The following FRMD3 variants were observed in gnomAD, a reference collection of about 807,000 sequenced individuals.
The protein encoded by FRMD3 is FERM domain-containing protein 3.
FRMD3 carries 33 observed loss-of-function variants against 70.2 expected under a neutral mutation model. The observed-to-expected ratio is 0.47, with a 90% confidence interval of 0.36 to 0.63. The LOEUF is 0.63. FRMD3 is among the 20% of genes least tolerant of loss of function. The pLI is 0.00. For missense variants in FRMD3, 632 were observed against 711.4 expected, an observed-to-expected ratio of 0.89 and a Z score of 1.27; for synonymous variants, 279 against 255.9, an observed-to-expected ratio of 1.09 and a Z score of -0.86.
At chr9:83,289,002 C>T (rs571707503) in intron 13 of FRMD3, among the ~76,000 whole-genome samples, 2 of 152,302 alleles carry the variant, frequency 1.3e-5, no homozygotes, top group South Asian at 4.1e-4. Context: ...AAGGTACAGT[C>T]ACAATTCCAG....
chr9:83,372,301 G>A (rs1296581917), intron 3 of FRMD3, among the ~76,000 whole-genome samples: 2 of 151,648 alleles, frequency 1.3e-5, no homozygotes, highest in African/African-American at 4.9e-5. Flanking sequence ...ATGACCAGGG[G>A]GTGCTAGAGA....
chr9:83,370,361 C>A (rs1007239969), intron 3 of FRMD3, among the ~76,000 whole-genome samples: 1 of 152,160 alleles, frequency 6.6e-6, no homozygotes. Flanking sequence ...TGAAAGACAT[C>A]ATCAACAACA....
intron 1 of FRMD3, among the ~76,000 whole-genome samples, chr9:83,445,409 C>A (rs1827431809): frequency 6.6e-6 from 1 of 151,730 alleles, no homozygotes; most frequent in Admixed American, 6.6e-5. Flanking sequence ...TGCTGGCTGA[C>A]AGCAGCCACA....
At chr9:83,252,083 C>G (rs1390764566) in intron 13 of FRMD3, among the ~76,000 whole-genome samples, 1 of 152,080 alleles carries the variant, frequency 6.6e-6, no homozygotes, top group Non-Finnish European at 1.5e-5. Flanking sequence ...TCAGATTCTC[C>G]AAGTTCGAAA....
rs926624588 is a variant in FRMD3 at position 83,537,766 on chromosome 9, C to T, written c.147+319G>A. Among the ~76,000 whole-genome samples, 3 of 152,200 alleles carry T rather than the reference C, an allele frequency of 2.0e-5. No homozygotes were observed. The highest frequency in any genetic ancestry group is 4.4e-5 in the Non-Finnish European group (3 of 68,032). ...GCTCCCATCTCCTGGCGGAGTAGGG[C>T]CCAGAGGGGCCAGAGTCCCTCCGGA... is the stretch of plus-strand genomic sequence containing the variant. On this transcript the variant is annotated intron_variant, in intron 1 of 13. Coordinates refer to ENST00000304195, the MANE Select transcript of FRMD3 (RefSeq NM_174938.6). The surrounding 1 kb of genome is among the most constrained non-coding windows in gnomAD (Gnocchi z 4.1).
chr9:83,459,861 G>A (rs187506654), intron 1 of FRMD3, among the ~76,000 whole-genome samples: 261 of 152,338 alleles, frequency 1.7e-3, no homozygotes, highest in African/African-American at 5.9e-3. Context: ...AGTAGGATGG[G>A]GGCCTGGCCA....
the FRMD3 span, among the ~76,000 whole-genome samples, chr9:83,572,889 T>G: frequency 6.6e-6 from 1 of 152,218 alleles, no homozygotes; most frequent in Non-Finnish European, 1.5e-5. Context: ...CTTTCTACAT[T>G]TATCTTTTCC....
At chr9:83,571,277 C>T in the FRMD3 span, among the ~76,000 whole-genome samples, 1 of 152,184 alleles carries the variant, frequency 6.6e-6, no homozygotes. Flanking sequence ...TGAGTAGAAG[C>T]AACAAGAGGC....
chr9:83,391,497 A>G (rs906813826), intron 1 of FRMD3, among the ~76,000 whole-genome samples: 4 of 152,206 alleles, frequency 2.6e-5, no homozygotes, highest in African/African-American at 7.2e-5. Context: ...TCCCTACCAT[A>G]TTCCAGATAT....
chr9:83,294,092 A>G (rs1181160966), intron 12 of FRMD3, among the ~76,000 whole-genome samples: 1 of 152,188 alleles, frequency 6.6e-6, no homozygotes, highest in Non-Finnish European at 1.5e-5. Flanking sequence ...CTAAACTCCA[A>G]TGTAATGGTA....
the FRMD3 span, among the ~76,000 whole-genome samples, chr9:83,564,691 C>T: frequency 1.1e-4 from 16 of 152,170 alleles, no homozygotes; most frequent in Non-Finnish European, 2.1e-4. Flanking sequence ...GCCCACATGT[C>T]CATTGTCCAT....
chr9:83,420,715 ATGAG>A (rs1440745942), intron 1 of FRMD3, among the ~76,000 whole-genome samples: 1 of 152,160 alleles, frequency 6.6e-6, no homozygotes, highest in Admixed American at 6.5e-5. Flanking sequence ...GTAAACAATA[ATGAG>A]TGAGTTCTTG....
chr9:83,555,276 C>T, the FRMD3 span, among the ~76,000 whole-genome samples: 1 of 151,482 alleles, frequency 6.6e-6, no homozygotes, highest in South Asian at 2.1e-4. Context: ...GAGTGCTGTC[C>T]CAGGGGGAAT....
rs1832016671 is a variant in FRMD3 at position 83,244,894 on chromosome 9, T to A, written c.*3024A>T. ...AAGCACAGACAAATACATACTTTAC[T>A]TTACCTACATTGTTTTCATGATCCA... On this transcript the variant is annotated 3_prime_UTR_variant, in exon 14 of 14. Coordinates refer to ENST00000304195, the MANE Select transcript of FRMD3 (RefSeq NM_174938.6). 1 of 982,098 alleles carries A rather than the reference T, an allele frequency of 1.0e-6. No homozygotes were observed. Among genetic ancestry groups the A allele is most frequent in the Non-Finnish European group, 1.2e-6 (1 of 829,506 alleles). The allele number at this position is 982,098 out of a possible 1,614,324, so 60.8% of individuals were successfully genotyped here.
chr9:83,525,986 C>T (rs1389767851), intron 1 of FRMD3, among the ~76,000 whole-genome samples: 1 of 152,212 alleles, frequency 6.6e-6, no homozygotes, highest in Non-Finnish European at 1.5e-5. Flanking sequence ...AACTCCCTTA[C>T]TTCTGTCTCT....
intron 1 of FRMD3, among the ~76,000 whole-genome samples, chr9:83,403,147 G>A (rs549872368): frequency 4.0e-5 from 6 of 151,616 alleles, no homozygotes; most frequent in Admixed American, 6.6e-5. Context: ...CAGGTGATTC[G>A]CCTGCCTCAG....
intron 4 of FRMD3, among the ~76,000 whole-genome samples, chr9:83,348,265 T>C (rs989518351): frequency 1.3e-5 from 2 of 152,158 alleles, no homozygotes; most frequent in Non-Finnish European, 2.9e-5. Flanking sequence ...TCTCTCTCTT[T>C]TTGGCAGCTA....
chr9:83,528,161 C>A (rs1026150437), intron 1 of FRMD3, among the ~76,000 whole-genome samples: 1 of 152,136 alleles, frequency 6.6e-6, no homozygotes, highest in Non-Finnish European at 1.5e-5. Flanking sequence ...GGTCTCAAAA[C>A]AAGACACAGC....
intron 6 of FRMD3, among the ~76,000 whole-genome samples, chr9:83,317,226 A>ACG (rs371044979): frequency 1.4e-5 from 2 of 138,876 alleles, no homozygotes; most frequent in African/African-American, 5.3e-5. Context: ...ACACACACAC[A>ACG]CTCATTTGTA....
Sources: gnomAD v4.1 joint callset for allele counts (sites outside exome capture counted in the v4.1 genomes callset) on GRCh38, gnomAD v4.1.1 for gene constraint, Gnocchi (gnomAD v3.1) non-coding constraint, MANE v1.5 for transcripts, NCBI Gene and HGNC (gene_info 2026-07-23, HGNC 2026-07-21) for gene names.